CXCL13: variants seen among roughly 807,000 people sequenced by gnomAD.
The protein encoded by CXCL13 is C-X-C motif chemokine 13.
Under a neutral mutation model 12.2 loss-of-function variants are expected in CXCL13, and 7 were observed. The observed-to-expected ratio is 0.57, with a 90% confidence interval of 0.33 to 1.07. The LOEUF (loss-of-function observed/expected upper bound fraction) is 1.07, where lower values mean the gene tolerates loss of function less well. Ranked by LOEUF, CXCL13 falls within the 50% of genes least tolerant of loss-of-function variation. The probability of loss-of-function intolerance (pLI) is 0.04; values close to 1 mark genes in which losing one functional copy is unlikely to be tolerated. For synonymous variants in CXCL13, 47 were observed against 42.4 expected (o/e 1.11, Z -0.42); for missense variants, 113 against 127.4 (o/e 0.89, Z 0.55).
At chr4:77,561,711 G>C (rs1010255132) in intron 1 of CXCL13, among the ~76,000 whole-genome samples, 1 of 152,232 alleles carries the variant, frequency 6.6e-6, no homozygotes, top group Non-Finnish European at 1.5e-5. Context: ...AGCAGTGAGA[G>C]GTGATGGTGT....
chr4:77,557,980 G>T (rs1725699062), intron 1 of CXCL13, among the ~76,000 whole-genome samples: 1 of 152,118 alleles, frequency 6.6e-6, no homozygotes, highest in African/African-American at 2.4e-5. Context: ...CCATCTTAGG[G>T]GTGTGTTTGC....
intron 1 of CXCL13, among the ~76,000 whole-genome samples, chr4:77,548,222 G>A (rs1024664011): frequency 1.3e-5 from 2 of 152,182 alleles, no homozygotes; most frequent in Non-Finnish European, 2.9e-5. Flanking sequence ...CAAATGGAGA[G>A]GACAAACCTC....
At chr4:77,548,603 C>A (rs1307496956) in intron 1 of CXCL13, among the ~76,000 whole-genome samples, 3 of 152,166 alleles carry the variant, frequency 2.0e-5, no homozygotes, top group Non-Finnish European at 2.9e-5. Context: ...TGAGTACTAA[C>A]CGAATTCCTC....
chr4:77,564,440 T>C (rs1327583754), intron 1 of CXCL13, among the ~76,000 whole-genome samples: 1 of 152,220 alleles, frequency 6.6e-6, no homozygotes, highest in Non-Finnish European at 1.5e-5. Flanking sequence ...GCAAAAAGAA[T>C]GAGCCACTTG....
chr4:77,553,006 C>G (rs1046499546), intron 1 of CXCL13, among the ~76,000 whole-genome samples: 4 of 152,152 alleles, frequency 2.6e-5, no homozygotes, highest in Non-Finnish European at 4.4e-5. Context: ...GCTGCTGGTC[C>G]AGGCAAGGGG....
At chr4:77,558,228 G>A (rs1725711038) in intron 1 of CXCL13, among the ~76,000 whole-genome samples, 1 of 152,214 alleles carries the variant, frequency 6.6e-6, no homozygotes, top group Non-Finnish European at 1.5e-5. Flanking sequence ...CTAGGTATAG[G>A]CCCATGGCCA....
intron 1 of CXCL13, among the ~76,000 whole-genome samples, chr4:77,545,032 G>C (rs1425418623): frequency 6.6e-6 from 1 of 152,104 alleles, no homozygotes; most frequent in Non-Finnish European, 1.5e-5. Context: ...GTTTTTGTCA[G>C]ATTTGTCAAA....
chr4:77,558,627 ACAGGAAT>A (rs1259873112), intron 1 of CXCL13, among the ~76,000 whole-genome samples: 1 of 152,180 alleles, frequency 6.6e-6, no homozygotes, highest in Admixed American at 6.5e-5. Context: ...TGCTGGAATT[ACAGGAAT>A]GCGCCACCGC....
chr4:77,590,303 T>C (rs1381783999), intron 1 of CXCL13, among the ~76,000 whole-genome samples: 4 of 152,172 alleles, frequency 2.6e-5, no homozygotes, highest in Non-Finnish European at 5.9e-5. Flanking sequence ...GGTAAAAGTC[T>C]TTCTCTTCCC....
Position 77,610,990 on chromosome 4 carries a change from G to T in CXCL13, c.281G>T (p.Arg94Ile). 1 of 1,610,358 alleles carries T rather than the reference G, an allele frequency of 6.2e-7. No individual in the cohort carries two copies. The highest frequency in any genetic ancestry group is 8.5e-7 in the Non-Finnish European group (1 of 1,179,376). ...IQRMMEVLRK[R>I]SSSTLPVPVF... ...TTGTTTTTGTTTCTGCTTCACAGAA[G>T]AAGTTCTTCAACTCTACCAGTTCCA... The change falls in exon 4 of 4, where the codon AGA becomes ATA. Residue 94 changes from arginine (R) to isoleucine (I), a missense_variant and splice_region_variant. Physicochemically the swap from Arg to Ile is moderately conservative, Grantham distance 97. Coordinates refer to ENST00000682537, the MANE Select transcript of CXCL13 (RefSeq NM_001371558.1).
chr4:77,604,803 A>G (rs1316237592), upstream of CXCL13, among the ~76,000 whole-genome samples: 1 of 152,082 alleles, frequency 6.6e-6, no homozygotes, highest in Non-Finnish European at 1.5e-5. Flanking sequence ...CAAAAACCAA[A>G]TTGTTTAGGA....
intron 1 of CXCL13, among the ~76,000 whole-genome samples, chr4:77,550,472 A>C (rs1263383095): frequency 6.6e-6 from 1 of 152,210 alleles, no homozygotes; most frequent in Admixed American, 6.5e-5. Context: ...AGCTGTTCCT[A>C]TTCAGCCATC....
At chr4:77,547,849 A>G (rs1326609410) in intron 1 of CXCL13, among the ~76,000 whole-genome samples, 14 of 152,138 alleles carry the variant, frequency 9.2e-5, no homozygotes, top group African/African-American at 3.1e-4. Flanking sequence ...ACAATTTGGT[A>G]TGTTTTTGCA....
intron 1 of CXCL13, among the ~76,000 whole-genome samples, chr4:77,581,004 G>C (rs900900752): frequency 4.6e-5 from 7 of 151,702 alleles, no homozygotes; most frequent in Non-Finnish European, 1.0e-4. Context: ...AGTCACAGAA[G>C]ACTACATTTT....
intron 1 of CXCL13, among the ~76,000 whole-genome samples, chr4:77,532,900 G>A (rs374105616): frequency 3.4e-4 from 51 of 152,088 alleles, no homozygotes; most frequent in Middle Eastern, 3.4e-3. Context: ...GCTCCTTTAA[G>A]GAGTTCTCTG....
chr4:77,609,789 GA>G (rs982853976), intron 2 of CXCL13, among the ~76,000 whole-genome samples: 5 of 152,178 alleles, frequency 3.3e-5, no homozygotes, highest in Non-Finnish European at 7.3e-5. Flanking sequence ...TCATGCTCAT[GA>G]AAAACAGTGA....
In CXCL13 at chr4:77,551,206, T is replaced by C. The variant is rs1725507428; in HGVS notation, c.-43+39418T>C. Among the ~76,000 whole-genome samples the C allele has an allele frequency of 2.0e-5, 3 of 152,200 alleles. No homozygotes were observed. In the South Asian group the frequency reaches 6.2e-4, roughly 32 times the overall value. Reference sequence around the variant, plus strand: ...TTTGTAGTTTCCATTGTGTGGTTGGTTTATAGGTTCTGTGGGCTATGTACT... The same window carrying C: ...TTTGTAGTTTCCATTGTGTGGTTGGCTTATAGGTTCTGTGGGCTATGTACT... On this transcript the variant is annotated intron_variant, in intron 1 of 4. Coordinates refer to the CXCL13 transcript ENST00000286758.
upstream of CXCL13, among the ~76,000 whole-genome samples, chr4:77,603,740 C>T (rs1726941170): frequency 6.6e-6 from 1 of 152,054 alleles, no homozygotes; most frequent in African/African-American, 2.4e-5. Flanking sequence ...CCCTAAACAC[C>T]TCACTTTGAG....
chr4:77,610,496 A>G, intron 2 of CXCL13, 118 bp from the exon 3 acceptor site: 1 of 778,700 alleles, frequency 1.3e-6, no homozygotes. Context: ...CAAACTGCCC[A>G]GCTCCAATTT....
Sources: gnomAD v4.1 joint callset for allele counts (sites outside exome capture counted in the v4.1 genomes callset) on GRCh38, gnomAD v4.1.1 for gene constraint, MANE v1.5 for transcripts, NCBI Gene and HGNC (gene_info 2026-07-23, HGNC 2026-07-21) for gene names.